TMEM219: variants seen among roughly 807,000 people sequenced by gnomAD.
TMEM219 encodes insulin-like growth factor-binding protein 3 receptor.
TMEM219 carries 18 observed loss-of-function variants against 17.9 expected under a neutral mutation model. The ratio of observed to expected loss-of-function variants is 1.01; its 90% CI spans 0.70 to 1.49. TMEM219 has a LOEUF of 1.49. Ranked by LOEUF, TMEM219 falls within the 40% of genes most tolerant of loss-of-function variation. The probability of loss-of-function intolerance (pLI) is 0.00; values close to 1 mark genes in which losing one functional copy is unlikely to be tolerated. For missense variants in TMEM219, 288 were observed against 292.4 expected (o/e 0.99, Z 0.11); for synonymous variants, 113 against 124.0 (o/e 0.91, Z 0.59).
At position 29,963,454 on chromosome 16, in the gene TMEM219, G is replaced by T; in HGVS notation, c.220G>T (p.Gly74Trp). 1 of 1,614,228 alleles carries T rather than the reference G, an allele frequency of 6.2e-7. No individual in the cohort carries two copies. Among genetic ancestry groups the T allele is most frequent in the Non-Finnish European group, 8.5e-7 (1 of 1,180,034 alleles). Residue 74 changes from glycine (G) to tryptophan (W), a missense_variant, in exon 3 of 6, where the codon GGG becomes TGG. Physicochemically the swap from Gly to Trp is radical, Grantham distance 184 (BLOSUM62 -2). Coordinates refer to ENST00000279396, the MANE Select transcript of TMEM219 (RefSeq NM_001083613.2). Reference sequence around the variant, plus strand: ...CCAGCTGACCCTGTGTCCCAGGAATGGGACAGTCACAGGGAAGTGGCGAGG... The same window carrying T: ...CCAGCTGACCCTGTGTCCCAGGAATTGGACAGTCACAGGGAAGTGGCGAGG... ...FGQLTLCPRN[G>W]TVTGKWRGSH...
chr16:29,967,111 G>A (rs1056357558), intron 3 of TMEM219, among the ~76,000 whole-genome samples: 2 of 152,086 alleles, frequency 1.3e-5, no homozygotes, highest in African/African-American at 4.8e-5. Context: ...TGGGCAATGT[G>A]TATCTGCCCA....
chr16:29,971,675 A>G (rs1401574518), intron 5 of TMEM219, 97 bp downstream of exon 5: 8 of 1,273,834 alleles, frequency 6.3e-6, no homozygotes, highest in Middle Eastern at 2.6e-4. Context: ...TTCCTCAAAG[A>G]CTGCTGCTTC....
At position 29,968,551 on chromosome 16, in the gene TMEM219, G is replaced by A. The variant is rs1456960604; in HGVS notation, c.585+297G>A. 1.3e-5 allele frequency: 4 copies of A among 300,450 alleles called. No individual in the cohort carries two copies. In the East Asian group the frequency reaches 1.8e-4, roughly 14 times the overall value. 18.6% of individuals were successfully genotyped at this position (300,450 alleles called of 1,614,324 possible). On this transcript the variant is annotated intron_variant, in intron 4 of 5. Transcript: ENST00000279396. ...AGAGATTTGATAAGTGACAGCTATT[G>A]TTGTTTACTATTGTCTTTAAAACAT...
chr16:29,962,799 C>G (rs1204245811), intron 1 of TMEM219: 1 of 266,300 alleles, frequency 3.8e-6, no homozygotes, highest in Admixed American at 4.8e-5. Flanking sequence ...GGAACTATTC[C>G]TCAGCCAAAT....
intron 3 of TMEM219, among the ~76,000 whole-genome samples, chr16:29,964,466 GAGCAAGAC>G (rs2069187261): frequency 6.6e-6 from 1 of 151,632 alleles, no homozygotes; most frequent in South Asian, 2.1e-4. Flanking sequence ...CTGGGAGACA[GAGCAAGAC>G]TCCGTCTCAA....
intron 3 of TMEM219, among the ~76,000 whole-genome samples, chr16:29,965,765 T>C (rs1596577502): frequency 6.6e-6 from 1 of 151,820 alleles, no homozygotes. Flanking sequence ...GCCCAAGGAG[T>C]CTTGCTCTGT....
intron 4 of TMEM219, among the ~76,000 whole-genome samples, chr16:29,969,827 C>T (rs554323705): frequency 4.6e-5 from 7 of 152,254 alleles, no homozygotes; most frequent in East Asian, 3.9e-4. Context: ...TGCTGAAGGC[C>T]GTGGGGGCCA....
intron 4 of TMEM219, among the ~76,000 whole-genome samples, chr16:29,969,010 G>A (rs1052148356): frequency 6.6e-6 from 1 of 152,046 alleles, no homozygotes; most frequent in African/African-American, 2.4e-5. Flanking sequence ...AGGTTCAGGA[G>A]AGGGGGAGGT....
intron 4 of TMEM219, among the ~76,000 whole-genome samples, chr16:29,969,911 A>G (rs1446357775): frequency 2.6e-5 from 4 of 152,074 alleles, no homozygotes; most frequent in East Asian, 1.9e-4. Context: ...GAGGAGGGCC[A>G]TCAGTCAGGA....
intron 3 of TMEM219, among the ~76,000 whole-genome samples, chr16:29,967,665 C>T (rs111632120): frequency 0.016 from 2,455 of 152,284 alleles, 34 homozygotes; most frequent in Non-Finnish European, 0.026. Context: ...CGGTGGCTCA[C>T]GCCTGTAATC....
At chr16:29,972,856 T>G (rs1164964435) in intron 5 of TMEM219, 94 bp from the exon 6 acceptor site, 2 of 152,236 alleles carry the variant, frequency 1.3e-5, no homozygotes, top group African/African-American at 4.8e-5. Flanking sequence ...TAGCTGTCAC[T>G]CCCTCTGCTC....
rs753198153 is a variant in TMEM219, at chr16:29,968,304, ACTGTAT to A, written c.585+53_585+58del. The A allele has an allele frequency of 2.0e-6, 3 of 1,473,160 alleles. No individual in the cohort carries two copies. The South Asian group carries it at 3.4e-5, about 17-fold the overall frequency. The allele number at this position is 1,473,160 out of a possible 1,614,324, so 91.3% of individuals were successfully genotyped here. On this transcript the variant is annotated intron_variant, in intron 4 of 5. Coordinates refer to ENST00000279396, the MANE Select transcript of TMEM219 (RefSeq NM_001083613.2). Reference sequence around the variant, plus strand: ...GGGTTTTGTAGACTGCCTGCTGACTACTGTATCTTGAAGGTCCCTGGAAACAATTCT... The same window carrying A: ...GGGTTTTGTAGACTGCCTGCTGACTACTTGAAGGTCCCTGGAAACAATTCT...
intron 3 of TMEM219, among the ~76,000 whole-genome samples, chr16:29,964,103 T>C (rs1232143445): frequency 1.3e-5 from 2 of 151,604 alleles, no homozygotes; most frequent in East Asian, 3.9e-4. Flanking sequence ...GGCGGGCAGA[T>C]CATGAGGTCA....
At chr16:29,964,694 A>AT (rs1401830316) in intron 3 of TMEM219, among the ~76,000 whole-genome samples, 1 of 152,010 alleles carries the variant, frequency 6.6e-6, no homozygotes, top group African/African-American at 2.4e-5. Flanking sequence ...CCAAAAAAAA[A>AT]AAAGTAAGGT....
intron 4 of TMEM219, among the ~76,000 whole-genome samples, chr16:29,970,770 T>G (rs1328183493): frequency 6.6e-6 from 1 of 151,918 alleles, no homozygotes; most frequent in Non-Finnish European, 1.5e-5. Flanking sequence ...TGAAACCCCA[T>G]CTCTACAAAA....
chr16:29,971,377 C>T (rs548025385), intron 4 of TMEM219, 31 bp from the exon 5 acceptor site: 17 of 1,610,422 alleles, frequency 1.1e-5, no homozygotes, highest in Non-Finnish European at 1.4e-5. Context: ...TTAACATGTC[C>T]TCCTCCTCCT....
rs761270262 is a variant in TMEM219 at position 29,968,338 on chromosome 16, CT to C, written c.585+86del. On this transcript the variant is annotated intron_variant, in intron 4 of 5. Coordinates refer to ENST00000279396, the MANE Select transcript of TMEM219 (RefSeq NM_001083613.2). The stretch of plus-strand genomic sequence containing the variant: ...TGAAGGTCCCTGGAAACAATTCTAC[CT>C]TGTAGAAAAAGCACAGGTTTTATAA... 1.0e-5 allele frequency: 12 copies of C among 1,185,630 alleles called. No individual in the cohort carries two copies. The African/African-American group carries it at 1.7e-4, about 17-fold the overall frequency. 73.4% of individuals were successfully genotyped at this position (1,185,630 alleles called of 1,614,324 possible). A position where few individuals can be genotyped will look rare whatever the true frequency, so the allele number is the denominator to read the frequency against.
Position 29,972,960 on chromosome 16 carries a change from A to G in TMEM219, c.*44A>G, listed in dbSNP as rs552931140. 7 of 152,258 alleles carry G rather than the reference A, an allele frequency of 4.6e-5. No individual in the cohort carries two copies. The highest frequency in any genetic ancestry group is 1.9e-4 in the East Asian group (1 of 5,194). 9.4% of individuals were successfully genotyped at this position (152,258 alleles called of 1,614,324 possible). A position where few individuals can be genotyped will look rare whatever the true frequency, so the allele number is the denominator to read the frequency against. On this transcript the variant is annotated 3_prime_UTR_variant, in exon 6 of 6. Coordinates refer to ENST00000279396, the MANE Select transcript of TMEM219 (RefSeq NM_001083613.2). ...TTTCTTTCTCCCCAGGTGTGAATCAACTTCTTGGGCCTTGGCTCTGAGTTG... is the reference window on the plus strand; with the variant it reads ...TTTCTTTCTCCCCAGGTGTGAATCAGCTTCTTGGGCCTTGGCTCTGAGTTG...
rs745362740 is a variant in TMEM219, at chr16:29,963,402, C to T, written c.168C>T (p.Asp56=). 10 of 1,614,096 alleles carry T rather than the reference C, an allele frequency of 6.2e-6. No homozygotes were observed. The highest frequency in any genetic ancestry group is 8.5e-6 in the Non-Finnish European group (10 of 1,179,964). ...TGLRSPDIPQ[D]WVSFLRSFGQ... is the part of the protein sequence containing the mutation. ...CACCCGTCTTCTTTTGCTCACAGGA[C>T]TGGGTCTCTTTTTTGAGATCTTTTG... The change falls in exon 3 of 6, where the codon GAC becomes GAT. Residue 56 remains aspartate (D), a splice_region_variant and synonymous_variant. Coordinates refer to ENST00000279396, the MANE Select transcript of TMEM219 (RefSeq NM_001083613.2).
Sources: gnomAD v4.1 joint callset for allele counts (sites outside exome capture counted in the v4.1 genomes callset) on GRCh38, gnomAD v4.1.1 for gene constraint, MANE v1.5 for transcripts, NCBI Gene and HGNC (gene_info 2026-07-23, HGNC 2026-07-21) for gene names.